The following DIAPH2 variants were observed in gnomAD, a reference collection of about 807,000 sequenced individuals.
DIAPH2 encodes the protein diaphanous related formin 2, also known as protein diaphanous homolog 2.
A neutral mutation model predicts 92.7 loss-of-function variants in DIAPH2; 35 were observed. That is an observed-to-expected ratio of 0.38 (90% CI 0.29 to 0.50). The LOEUF is 0.50. Among genes scored for constraint, DIAPH2 ranks in the 20% least tolerant of loss-of-function variants. The pLI, the probability that DIAPH2 is intolerant of heterozygous loss-of-function variation, is 0.94. For synonymous variants in DIAPH2, 301 were observed against 280.4 expected (o/e 1.07, Z -0.73); for missense variants, 701 against 819.5 (o/e 0.86, Z 1.77).
At chrX:97,337,989 C>T (rs2147676713) in intron 23 of DIAPH2, among the ~76,000 whole-genome samples, 1 of 108,751 alleles carries the variant, frequency 9.2e-6, no homozygotes, top group South Asian at 4.1e-4. Context: ...TCTCGTGCCT[C>T]AGCCTCAGAA....
At chrX:97,014,739 G>C (rs775088619) in intron 17 of DIAPH2, among the ~76,000 whole-genome samples, 3 of 112,111 alleles carry the variant, frequency 2.7e-5, no homozygotes, top group Admixed American at 9.4e-5. Context: ...CCACTTACTA[G>C]CTAAGTGACC....
chrX:97,342,148 C>T (rs752342228), intron 23 of DIAPH2, among the ~76,000 whole-genome samples: 33 of 111,854 alleles, frequency 3.0e-4, no homozygotes, highest in Non-Finnish European at 5.3e-4. Context: ...ATTGATGAAA[C>T]GAGGGGATTA....
At chrX:97,486,510 A>G (rs1225410973) in intron 26 of DIAPH2, among the ~76,000 whole-genome samples, 3 of 111,999 alleles carry the variant, frequency 2.7e-5, no homozygotes, top group Non-Finnish European at 5.6e-5. Flanking sequence ...AAAATTACCC[A>G]GGCAGTGGGA....
chrX:97,233,220 T>C lies in DIAPH2; in HGVS notation c.2720-14495T>C, dbSNP rs545715289. 1.2e-4 allele frequency among the ~76,000 whole-genome samples: 13 copies of C among 112,501 alleles called. No individual in the cohort carries two copies. In the East Asian group the frequency reaches 1.4e-3, roughly 12 times the overall value. On this transcript the variant is annotated intron_variant, in intron 22 of 26. Transcript: ENST00000324765. ...TCAGATACCAGGTTCACCTTGTACT[T>C]CCCATACTTGGAAATACTGCTGAAC...
At chrX:97,363,300 A>G (rs2069342919) in intron 24 of DIAPH2, among the ~76,000 whole-genome samples, 1 of 111,757 alleles carries the variant, frequency 8.9e-6, no homozygotes, top group South Asian at 3.7e-4. Flanking sequence ...TTTGTTAATT[A>G]AGCAAGTTAA....
intron 5 of DIAPH2, chrX:96,884,603 C>T (rs1569419977): frequency 5.0e-6 from 6 of 1,210,169 alleles, no homozygotes; most frequent in Non-Finnish European, 5.6e-6. Flanking sequence ...GATGATATGA[C>T]CGCGAAACCA....
At chrX:96,962,628 A>G (rs1013461703) in intron 16 of DIAPH2, among the ~76,000 whole-genome samples, 9 of 103,091 alleles carry the variant, frequency 8.7e-5, no homozygotes, top group Non-Finnish European at 1.8e-4. Context: ...AATATCTTCT[A>G]TTTTCAGCCT....
chrX:96,898,830 G>A (rs1351732373), intron 5 of DIAPH2, among the ~76,000 whole-genome samples: 2 of 107,298 alleles, frequency 1.9e-5, no homozygotes, highest in Non-Finnish European at 1.9e-5. Flanking sequence ...GTAATGCCTA[G>A]GTTTTCTTCT....
intron 16 of DIAPH2, among the ~76,000 whole-genome samples, chrX:96,962,478 TACAC>T (rs1159716286): frequency 0.011 from 268 of 25,198 alleles, 10 homozygotes; most frequent in South Asian, 0.017. Flanking sequence ...CATATATATA[TACAC>T]ACACACACAC....
chrX:97,498,821 T>C (rs775165417), intron 26 of DIAPH2, among the ~76,000 whole-genome samples: 2 of 111,936 alleles, frequency 1.8e-5, no homozygotes, highest in Admixed American at 1.9e-4. Flanking sequence ...AAAAAGTACA[T>C]TTTTAAAAGA....
chrX:97,025,401 C>T (rs1183242968), intron 17 of DIAPH2, among the ~76,000 whole-genome samples: 1 of 108,116 alleles, frequency 9.2e-6, no homozygotes, highest in Non-Finnish European at 1.9e-5. Flanking sequence ...CCTGTAATCC[C>T]AGCACTTCGG....
intron 17 of DIAPH2, among the ~76,000 whole-genome samples, chrX:97,045,459 A>G (rs1465210909): frequency 9.0e-6 from 1 of 111,684 alleles, no homozygotes; most frequent in African/African-American, 3.3e-5. Context: ...TATTCACATA[A>G]TACATCGGGT....
At chrX:96,967,828 C>T (rs1053472274) in intron 17 of DIAPH2, among the ~76,000 whole-genome samples, 8 of 111,565 alleles carry the variant, frequency 7.2e-5, no homozygotes, top group East Asian at 2.8e-4. Context: ...TCCTTGTCTT[C>T]GCTATTGTAA....
intron 17 of DIAPH2, among the ~76,000 whole-genome samples, chrX:97,055,790 G>A (rs1319002183): frequency 9.0e-6 from 1 of 111,445 alleles, no homozygotes; most frequent in Non-Finnish European, 1.9e-5. Context: ...AGAGAAGTCT[G>A]GTCTTTGAAG....
intron 1 of DIAPH2, among the ~76,000 whole-genome samples, chrX:96,690,745 T>G (rs1483145821): frequency 8.9e-6 from 1 of 112,134 alleles, no homozygotes. Context: ...CCCTTTTCTT[T>G]CATTGTGTCA....
intron 26 of DIAPH2, among the ~76,000 whole-genome samples, chrX:97,497,190 A>G (rs1046996118): frequency 1.6e-4 from 18 of 111,642 alleles, no homozygotes; most frequent in African/African-American, 2.6e-4. Context: ...AGTATTACTG[A>G]AAGGAAGGAG....
chrX:96,684,860 G>A lies in DIAPH2; in HGVS notation c.-199G>A. On this transcript the variant is annotated 5_prime_UTR_variant, in exon 1 of 27. Transcript: ENST00000324765. The stretch of plus-strand genomic sequence containing the variant: ...AGGGCTTGCCCCAGCGCCGAGTAGT[G>A]GCAACGGCGTGGTTGCGTCGGGGGT... 1 of 380,911 alleles carries A rather than the reference G, an allele frequency of 2.6e-6. No homozygotes were observed. Among genetic ancestry groups the A allele is most frequent in the Non-Finnish European group, 4.0e-6 (1 of 248,552 alleles). 31.4% of individuals were successfully genotyped at this position (380,911 alleles called of 1,213,427 possible).
chrX:96,744,858 A>G (rs2064140430), intron 3 of DIAPH2, among the ~76,000 whole-genome samples: 3 of 111,233 alleles, frequency 2.7e-5, no homozygotes, highest in African/African-American at 9.8e-5. Flanking sequence ...TCTTATGACA[A>G]TCTTCCTTCT....
At chrX:96,847,979 T>C (rs2064982926) in intron 4 of DIAPH2, among the ~76,000 whole-genome samples, 1 of 111,943 alleles carries the variant, frequency 8.9e-6, no homozygotes, top group Non-Finnish European at 1.9e-5. Flanking sequence ...TATCCCCTTC[T>C]CTTGTTATTG....
Sources: gnomAD v4.1 joint callset for allele counts (sites outside exome capture counted in the v4.1 genomes callset) on GRCh38, gnomAD v4.1.1 for gene constraint, MANE v1.5 for transcripts, NCBI Gene and HGNC (gene_info 2026-07-23, HGNC 2026-07-21) for gene names.